The following VWF variants were observed in gnomAD, a reference collection of about 807,000 sequenced individuals.
VWF encodes the protein Factor VIII related antigen.
VWF carries 176 observed loss-of-function variants against 308.6 expected under a neutral mutation model. The ratio of observed to expected loss-of-function variants is 0.57; its 90% CI spans 0.50 to 0.65. VWF has a LOEUF of 0.65. Ranked by LOEUF, VWF falls within the 30% of genes least tolerant of loss-of-function variation. VWF has a pLI of 0.00. For missense variants in VWF, 3,146 were observed against 3,648.2 expected (o/e 0.86, Z 3.55); for synonymous variants, 1,385 against 1,443.4 (o/e 0.96, Z 0.92).
chr12:5,966,276 TACACAC>T (rs10657127), intron 47 of VWF, among the ~76,000 whole-genome samples: 1 of 151,026 alleles, frequency 6.6e-6, no homozygotes, highest in Non-Finnish European at 1.5e-5. Flanking sequence ...TGTTACACAA[TACACAC>T]ACACACACGC....
intron 6 of VWF, among the ~76,000 whole-genome samples, chr12:6,080,962 T>G (rs1591905838): frequency 6.6e-6 from 1 of 151,952 alleles, no homozygotes; most frequent in Non-Finnish European, 1.5e-5. Flanking sequence ...GTGGGTGGGG[T>G]GGGCAGCAGG....
At chr12:5,989,248 A>C (rs1210134030) in intron 38 of VWF, among the ~76,000 whole-genome samples, 1 of 152,234 alleles carries the variant, frequency 6.6e-6, no homozygotes, top group East Asian at 1.9e-4. Flanking sequence ...TTGTAAAATA[A>C]ACAAGAGCTA....
chr12:6,108,368 A>ACACAC (rs1565393069), intron 5 of VWF, among the ~76,000 whole-genome samples: 1 of 92,616 alleles, frequency 1.1e-5, no homozygotes, highest in Non-Finnish European at 2.9e-5. Context: ...CACACACACA[A>ACACAC]AGCAAAATTT....
chr12:5,953,659 G>T lies in VWF; in HGVS notation c.7888-65C>A, dbSNP rs182959398. On this transcript the variant is annotated intron_variant, in intron 47 of 51. Transcript: ENST00000261405. The stretch of plus-strand genomic sequence containing the variant: ...CTTAAAACATCCCAATTGTAAGTAG[G>T]CTGATTTTGCTGGCCTCTCATCTCT... 1.2e-5 allele frequency: 16 copies of T among 1,317,086 alleles called. 1 individual carries two copies. In the Admixed American group the frequency reaches 2.5e-4, roughly 21 times the overall value. The allele number at this position is 1,317,086 out of a possible 1,614,324, so 81.6% of individuals were successfully genotyped here. A position where few individuals can be genotyped will look rare whatever the true frequency, so the allele number is the denominator to read the frequency against.
At chr12:6,087,453 G>C (rs931472170) in intron 6 of VWF, among the ~76,000 whole-genome samples, 6 of 148,024 alleles carry the variant, frequency 4.1e-5, no homozygotes, top group Non-Finnish European at 8.9e-5. Flanking sequence ...TCGCCTCCCG[G>C]GTTCACGCCA....
intron 42 of VWF, among the ~76,000 whole-genome samples, chr12:5,979,640 C>A (rs367608568): frequency 2.0e-4 from 30 of 151,972 alleles, no homozygotes; most frequent in African/African-American, 7.0e-4. Flanking sequence ...ATCCCAGCTA[C>A]TCAGGAGGCT....
At chr12:6,051,286 C>CTTTTT (rs55842185) in intron 16 of VWF, among the ~76,000 whole-genome samples, 25 of 117,526 alleles carry the variant, frequency 2.1e-4, no homozygotes, top group African/African-American at 7.5e-4. Flanking sequence ...TTCTTTTTTT[C>CTTTTT]TTTTTTTTTT....
intron 16 of VWF, 61 bp downstream of exon 16, chr12:6,052,482 T>G: frequency 6.2e-7 from 1 of 1,613,072 alleles, no homozygotes; most frequent in Non-Finnish European, 8.5e-7. Context: ...GACTTGGGGG[T>G]CCCGTTTTCC....
intron 28 of VWF, 65 bp downstream of exon 28, chr12:6,018,300 T>C (rs1456200625): frequency 1.5e-5 from 23 of 1,555,516 alleles, no homozygotes; most frequent in Non-Finnish European, 1.8e-5. Context: ...GGCAGATGCA[T>C]GTAGCACCAA....
intron 43 of VWF, among the ~76,000 whole-genome samples, chr12:5,972,698 A>G (rs1438296076): frequency 6.6e-6 from 1 of 152,212 alleles, no homozygotes; most frequent in Non-Finnish European, 1.5e-5. Context: ...AGCAGTGTGC[A>G]GTGAGCTGTC....
Position 5,949,775 on chromosome 12 carries a change from A to G in VWF, c.8253+11T>C, listed in dbSNP as rs1431358145. The stretch of plus-strand genomic sequence containing the variant: ...CTCCACACCCAGCCCTTATTGAAGC[A>G]GAGCCCTTACCTGGCAGTAGTGGAT... On this transcript the variant is annotated intron_variant, in intron 51 of 51. Coordinates refer to ENST00000261405, the MANE Select transcript of VWF (RefSeq NM_000552.5). The G allele has an allele frequency of 1.9e-6, 3 of 1,613,996 alleles. No individual in the cohort carries two copies. Among genetic ancestry groups the G allele is most frequent in the Non-Finnish European group, 2.5e-6 (3 of 1,179,836 alleles).
chr12:5,983,839 T>C (rs552170671), intron 40 of VWF, among the ~76,000 whole-genome samples: 3 of 105,912 alleles, frequency 2.8e-5, no homozygotes, highest in African/African-American at 9.3e-5. Flanking sequence ...AGATGATAAA[T>C]AGATATATAG....
intron 21 of VWF, 49 bp downstream of exon 21, chr12:6,031,395 G>A (rs1168445792): frequency 3.1e-6 from 5 of 1,613,914 alleles, no homozygotes; most frequent in Non-Finnish European, 4.2e-6. Flanking sequence ...CCTATTAAGT[G>A]GCAGAAGCAC....
chr12:6,031,282 A>C (rs1324890486), intron 21 of VWF, among the ~76,000 whole-genome samples, 162 bp downstream of exon 21: 2 of 152,154 alleles, frequency 1.3e-5, no homozygotes, highest in Non-Finnish European at 2.9e-5. Flanking sequence ...TCTTCTCATA[A>C]AATAATACGT....
intron 1 of VWF, among the ~76,000 whole-genome samples, chr12:6,124,006 C>T (rs1945459822): frequency 6.6e-6 from 1 of 152,106 alleles, no homozygotes; most frequent in African/African-American, 2.4e-5. Flanking sequence ...ACCTAAGGTC[C>T]CATCCAGCCA....
At chr12:6,068,610 C>T (rs887539255) in intron 10 of VWF, among the ~76,000 whole-genome samples, 1 of 151,960 alleles carries the variant, frequency 6.6e-6, no homozygotes, top group Non-Finnish European at 1.5e-5. Flanking sequence ...GCTGAGATTA[C>T]AGGCATGTGC....
At chr12:6,051,246 T>C (rs1468995398) in intron 16 of VWF, among the ~76,000 whole-genome samples, 1 of 151,876 alleles carries the variant, frequency 6.6e-6, no homozygotes, top group African/African-American at 2.4e-5. Context: ...TCTACTTTAA[T>C]GTCTGTCTGA....
intron 16 of VWF, 48 bp downstream of exon 16, chr12:6,052,495 C>T: frequency 6.2e-7 from 1 of 1,613,824 alleles, no homozygotes; most frequent in Non-Finnish European, 8.5e-7. Context: ...CGTTTTCCTC[C>T]CCAGCTCTGC....
At chr12:5,975,909 A>G (rs996505675) in intron 43 of VWF, among the ~76,000 whole-genome samples, 1 of 152,058 alleles carries the variant, frequency 6.6e-6, no homozygotes, top group South Asian at 2.1e-4. Flanking sequence ...AGAGGTCACT[A>G]AAGAACCTTT....
Sources: allele counts gnomAD v4.1 joint callset (sites outside exome capture counted in the v4.1 genomes callset), GRCh38; gene constraint gnomAD v4.1.1; transcripts MANE v1.5; gene names NCBI Gene and HGNC (gene_info 2026-07-23, HGNC 2026-07-21).